Variants in HIPK2 observed in about 807,000 individuals in gnomAD.
HIPK2 encodes homeodomain-interacting protein kinase 2.
In HIPK2, 27 loss-of-function variants were observed where a neutral mutation model predicts 113.7. The ratio of observed to expected loss-of-function variants is 0.24; its 90% CI spans 0.17 to 0.33. HIPK2 has a LOEUF of 0.33. Among genes scored for constraint, HIPK2 ranks in the 10% least tolerant of loss-of-function variants. The pLI is 1.00. For missense variants in HIPK2, 1,257 were observed against 1,588.0 expected (o/e 0.79, Z 3.54); for synonymous variants, 631 against 642.2 (o/e 0.98, Z 0.26).
chr7:139,597,680 C>T (rs908516625), intron 11 of HIPK2, among the ~76,000 whole-genome samples: 1 of 152,174 alleles, frequency 6.6e-6, no homozygotes, highest in Non-Finnish European at 1.5e-5. Context: ...GCGCATTAGT[C>T]TAAATTGTAA....
intron 2 of HIPK2, among the ~76,000 whole-genome samples, chr7:139,699,130 A>G (rs1794639338): frequency 6.6e-6 from 1 of 152,150 alleles, no homozygotes; most frequent in South Asian, 2.1e-4. Flanking sequence ...TAGCTTGGGC[A>G]GCAAGAACCG....
At chr7:139,697,908 C>T (rs1239783880) in intron 2 of HIPK2, among the ~76,000 whole-genome samples, 2 of 142,326 alleles carry the variant, frequency 1.4e-5, no homozygotes, top group East Asian at 2.0e-4. Flanking sequence ...CTCGCTCTGT[C>T]GCCCAGACTG....
intron 7 of HIPK2, among the ~76,000 whole-genome samples, chr7:139,615,038 C>T (rs139938365): frequency 6.6e-6 from 1 of 152,148 alleles, no homozygotes; most frequent in Admixed American, 6.5e-5. Flanking sequence ...CCAGCCTGCA[C>T]GTCCAAGCTC....
At chr7:139,624,573 T>A (rs1042213516) in intron 6 of HIPK2, among the ~76,000 whole-genome samples, 1 of 152,224 alleles carries the variant, frequency 6.6e-6, no homozygotes, top group Non-Finnish European at 1.5e-5. Context: ...CATCCTGTTT[T>A]CCCAGCCACA....
Position 139,638,101 on chromosome 7 carries a change from G to A in HIPK2, c.1104-6376C>T, listed in dbSNP as rs563290608. On this transcript the variant is annotated intron_variant, in intron 2 of 14. Transcript: ENST00000406875. Reference sequence around the variant, plus strand: ...CTTATTTTATGGCCATTGTCATTACGCCCTCTAGAGCCTCCACCTTAGCTC... The same window carrying A: ...CTTATTTTATGGCCATTGTCATTACACCCTCTAGAGCCTCCACCTTAGCTC... 2.0e-5 allele frequency among the ~76,000 whole-genome samples: 3 copies of A among 152,202 alleles called. No homozygotes were observed. The East Asian group carries it at 5.8e-4, about 29-fold the overall frequency.
intron 1 of HIPK2, among the ~76,000 whole-genome samples, chr7:139,740,542 G>A (rs1325283625): frequency 2.0e-5 from 3 of 152,220 alleles, no homozygotes; most frequent in Non-Finnish European, 4.4e-5. Context: ...ACTGTGCTCC[G>A]GAAAGTGCCT....
intron 2 of HIPK2, among the ~76,000 whole-genome samples, chr7:139,675,686 C>T (rs1330622166): frequency 1.3e-5 from 2 of 152,138 alleles, no homozygotes; most frequent in Admixed American, 1.3e-4. Flanking sequence ...CAAAGATCAC[C>T]AGAGAGGAAG....
rs111567136 is a variant in HIPK2 at position 139,599,654 on chromosome 7, T to C, written c.2435+763A>G. ...AATCAGTTAAACTTCTGATCTTAGA[T>C]ACAAAGAAAGCACATTTCTTTAGTA... On this transcript the variant is annotated intron_variant, in intron 11 of 14. Transcript: ENST00000406875. Among the ~76,000 whole-genome samples the C allele has an allele frequency of 4.9e-3, 742 of 152,352 alleles. 4 individuals carry two copies. Among genetic ancestry groups the C allele is most frequent in the African/African-American group, 0.017 (689 of 41,582 alleles).
At chr7:139,608,460 A>T (rs1489446077) in intron 9 of HIPK2, among the ~76,000 whole-genome samples, 1 of 151,352 alleles carries the variant, frequency 6.6e-6, no homozygotes, top group East Asian at 1.9e-4. Flanking sequence ...ATTTTCCTAT[A>T]AGTTTATGGT....
intron 1 of HIPK2, among the ~76,000 whole-genome samples, chr7:139,754,295 A>G (rs976907031): frequency 6.6e-6 from 1 of 152,236 alleles, no homozygotes; most frequent in Non-Finnish European, 1.5e-5. Flanking sequence ...CGCTCAATTA[A>G]TGTCATCTCA....
chr7:139,603,946 AT>A, intron 10 of HIPK2, 134 bp downstream of exon 10: 4 of 1,187,952 alleles, frequency 3.4e-6, no homozygotes, highest in Non-Finnish European at 4.8e-6. Context: ...TCCACACAAT[AT>A]TTTTAGAAGC....
Position 139,714,486 on chromosome 7 carries a change from C to T in HIPK2, c.1103+1446G>A, listed in dbSNP as rs549177973. On this transcript the variant is annotated intron_variant, in intron 2 of 14. Transcript: ENST00000406875. The surrounding 1 kb of genome is among the most constrained non-coding windows in gnomAD (Gnocchi z 4.2). ...TCTGCCTGCAGCCAGGATGGGGGCC[C>T]GGACAGGGAGCAAGAAGGGGAAGCT... Among the ~76,000 whole-genome samples the T allele has an allele frequency of 1.8e-4, 28 of 152,182 alleles. No individual in the cohort carries two copies. Among genetic ancestry groups the T allele is most frequent in the Non-Finnish European group, 2.9e-4 (20 of 68,000 alleles).
chr7:139,763,514 T>C (rs1796505333), intron 1 of HIPK2, among the ~76,000 whole-genome samples: 2 of 130,394 alleles, frequency 1.5e-5, no homozygotes, highest in South Asian at 2.8e-4. Context: ...GACTCGTGTA[T>C]GTATTGTCTG....
rs991472690 is a variant in HIPK2 at position 139,568,056 on chromosome 7, C to T, written c.*4871G>A. 1.3e-5 allele frequency: 2 copies of T among 152,350 alleles called. No individual in the cohort carries two copies. The highest frequency in any genetic ancestry group is 2.4e-5 in the African/African-American group (1 of 41,444). The allele number at this position is 152,350 out of a possible 1,614,324, so 9.4% of individuals were successfully genotyped here. On this transcript the variant is annotated 3_prime_UTR_variant, in exon 15 of 15. Transcript: ENST00000406875. ...ACATGCTCACACGGCCTAAATCTTC[C>T]ACCCCAAGCTTGTTCCAATATGAGT...
chr7:139,690,643 T>G (rs1357163442), intron 2 of HIPK2, among the ~76,000 whole-genome samples: 1 of 151,984 alleles, frequency 6.6e-6, no homozygotes, highest in Non-Finnish European at 1.5e-5. Flanking sequence ...AGACACTGTC[T>G]CTACAAAAAA....
intron 2 of HIPK2, among the ~76,000 whole-genome samples, chr7:139,706,502 C>T (rs1159984518): frequency 1.3e-5 from 2 of 152,206 alleles, no homozygotes; most frequent in East Asian, 3.8e-4. Flanking sequence ...GTCATTCACT[C>T]ATTCCACTGA....
chr7:139,667,715 T>C lies in HIPK2; in HGVS notation c.1104-35990A>G, dbSNP rs1350089750. 2.6e-5 allele frequency among the ~76,000 whole-genome samples: 4 copies of C among 152,366 alleles called. No homozygotes were observed. In the East Asian group the frequency reaches 5.8e-4, roughly 22 times the overall value. On this transcript the variant is annotated intron_variant, in intron 2 of 14. Transcript: ENST00000406875. ...AAAATATTTGTACATTTGTATAATA[T>C]ATAAAACATATTGGTTAATTTCCTT... is the stretch of plus-strand genomic sequence containing the variant.
At chr7:139,617,325 C>T (rs1022142107) in intron 7 of HIPK2, among the ~76,000 whole-genome samples, 1 of 152,180 alleles carries the variant, frequency 6.6e-6, no homozygotes, top group Admixed American at 6.5e-5. Context: ...TTCAGCCTTC[C>T]AAATAGCTAG....
chr7:139,638,054 C>T (rs936122482), intron 2 of HIPK2, among the ~76,000 whole-genome samples: 1 of 152,116 alleles, frequency 6.6e-6, no homozygotes, highest in Non-Finnish European at 1.5e-5. Context: ...GACTTGGGAC[C>T]TCAGGGATTT....
Sources: allele counts gnomAD v4.1 joint callset (sites outside exome capture counted in the v4.1 genomes callset), GRCh38; gene constraint gnomAD v4.1.1; non-coding constraint Gnocchi (gnomAD v3.1); transcripts MANE v1.5; gene names NCBI Gene and HGNC (gene_info 2026-07-23, HGNC 2026-07-21).